The following PDE1C variants were observed in gnomAD, a reference collection of about 807,000 sequenced individuals.
The protein encoded by PDE1C is dual specificity calcium/calmodulin-dependent 3',5'-cyclic nucleotide phosphodiesterase 1C.
In PDE1C, 62 loss-of-function variants were observed where a neutral mutation model predicts 93.1. The observed-to-expected ratio is 0.67, with a 90% CI of 0.54 to 0.82. The LOEUF is 0.82. Ranked by LOEUF, PDE1C falls within the 40% of genes least tolerant of loss-of-function variation. PDE1C has a pLI of 0.00. For missense variants in PDE1C, 742 were observed against 884.6 expected (o/e 0.84, Z 2.04); for synonymous variants, 325 against 310.1 (o/e 1.05, Z -0.50).
At chr7:31,690,375 G>A in the PDE1C span, among the ~76,000 whole-genome samples, 1 of 152,190 alleles carries the variant, frequency 6.6e-6, no homozygotes, top group East Asian at 1.9e-4. Context: ...TTACAGATGA[G>A]GAAACTCAGG....
chr7:32,304,985 T>A (rs1812963467), intron 1 of PDE1C, among the ~76,000 whole-genome samples: 1 of 152,118 alleles, frequency 6.6e-6, no homozygotes, highest in Non-Finnish European at 1.5e-5. Flanking sequence ...AGGAACAGGG[T>A]TAGAGCTCAC....
chr7:32,150,446 AGGGT>A (rs1288415721), intron 3 of PDE1C, among the ~76,000 whole-genome samples: 1 of 152,164 alleles, frequency 6.6e-6, no homozygotes, highest in Non-Finnish European at 1.5e-5. Context: ...AAAGGTCAGT[AGGGT>A]TTCCCTAGGG....
At chr7:31,620,862 A>C in the PDE1C span, among the ~76,000 whole-genome samples, 2 of 152,240 alleles carry the variant, frequency 1.3e-5, no homozygotes, top group East Asian at 3.9e-4. Flanking sequence ...ACTTTGAAAA[A>C]AATTTAGACG....
At chr7:31,763,282 C>T (rs1238659073) in intron 17 of PDE1C, among the ~76,000 whole-genome samples, 1 of 152,176 alleles carries the variant, frequency 6.6e-6, no homozygotes, top group Non-Finnish European at 1.5e-5. Flanking sequence ...ATTTAGCAAA[C>T]TTAACCCATG....
At chr7:31,737,234 C>A in the PDE1C span, among the ~76,000 whole-genome samples, 1 of 152,050 alleles carries the variant, frequency 6.6e-6, no homozygotes, top group African/African-American at 2.4e-5. Context: ...TCACCTCAGC[C>A]TCCCAAAGTG....
chr7:31,794,041 T>TAGACAGACAGACAGACAGAC (rs71559203), intron 16 of PDE1C, among the ~76,000 whole-genome samples: 1 of 89,546 alleles, frequency 1.1e-5, no homozygotes, highest in Non-Finnish European at 2.3e-5. Flanking sequence ...GATAGATAGA[T>TAGACAGACAGACAGACAGAC]AGACAGACAG....
At chr7:31,785,110 A>G (rs1490098855) in intron 16 of PDE1C, 1 of 152,176 alleles carries the variant, frequency 6.6e-6, no homozygotes, top group Non-Finnish European at 1.5e-5. Flanking sequence ...TGCACCATAA[A>G]CTGACTGAGA....
chr7:32,046,637 A>G (rs1470175015), intron 2 of PDE1C, among the ~76,000 whole-genome samples: 1 of 152,168 alleles, frequency 6.6e-6, no homozygotes, highest in Non-Finnish European at 1.5e-5. Context: ...TAAATGGAAG[A>G]TTTTTGTAAA....
intron 2 of PDE1C, among the ~76,000 whole-genome samples, chr7:31,910,072 T>A (rs966876554): frequency 6.6e-6 from 1 of 152,122 alleles, no homozygotes; most frequent in African/African-American, 2.4e-5. Context: ...TATTCTAGGG[T>A]ATGTTTAATC....
upstream of PDE1C, among the ~76,000 whole-genome samples, chr7:32,075,933 T>C (rs1353532740): frequency 6.6e-6 from 1 of 152,142 alleles, no homozygotes; most frequent in Non-Finnish European, 1.5e-5. Flanking sequence ...GACCCTTCTC[T>C]TGTTTGGCCA....
intron 2 of PDE1C, among the ~76,000 whole-genome samples, chr7:32,179,167 C>T (rs2128810760): frequency 6.6e-6 from 1 of 151,350 alleles, no homozygotes; most frequent in East Asian, 1.9e-4. Context: ...TAGTGTAGAT[C>T]ACGCAGAACA....
rs540760874 is a variant in PDE1C at position 32,217,067 on chromosome 7, C to G, written c.86-7528G>C. Among the ~76,000 whole-genome samples, 30 of 152,332 alleles carry G rather than the reference C, an allele frequency of 2.0e-4. 1 individual carries two copies. The highest frequency in any genetic ancestry group is 7.2e-4 in the African/African-American group (30 of 41,572). On this transcript the variant is annotated intron_variant, in intron 1 of 18. Transcript: ENST00000396193. ...GGCCAGAACTCACAGCAATAGGATCCAGTAGAGGGAGAAGCTACTGACAAA... is the reference window on the plus strand; with the variant it reads ...GGCCAGAACTCACAGCAATAGGATCGAGTAGAGGGAGAAGCTACTGACAAA...
chr7:32,041,259 A>G (rs1178464115), intron 2 of PDE1C, among the ~76,000 whole-genome samples: 1 of 152,206 alleles, frequency 6.6e-6, no homozygotes, highest in Non-Finnish European at 1.5e-5. Flanking sequence ...GGTTCACGAC[A>G]GGACTCAGAT....
chr7:31,888,309 T>C (rs761608120), intron 2 of PDE1C, among the ~76,000 whole-genome samples: 6 of 149,468 alleles, frequency 4.0e-5, no homozygotes, highest in South Asian at 2.1e-4. Context: ...GATCTCGTTA[T>C]GCACCTCAAG....
At chr7:32,061,141 C>T (rs1482933062) in intron 1 of PDE1C, among the ~76,000 whole-genome samples, 1 of 152,174 alleles carries the variant, frequency 6.6e-6, no homozygotes, top group African/African-American at 2.4e-5. Context: ...GGATAAACAA[C>T]AGTTTAATGG....
intron 1 of PDE1C, among the ~76,000 whole-genome samples, chr7:32,411,814 T>C (rs1785176418): frequency 6.7e-6 from 1 of 149,848 alleles, no homozygotes. Flanking sequence ...CACAAACATA[T>C]TGTACAGCTG....
upstream of PDE1C, among the ~76,000 whole-genome samples, chr7:32,075,712 G>C (rs1298876207): frequency 1.3e-5 from 2 of 152,128 alleles, no homozygotes; most frequent in South Asian, 4.1e-4. Flanking sequence ...TAGTGGCCCA[G>C]AGAAGTGAGA....
At chr7:32,084,944 T>C (rs1047673761) in intron 3 of PDE1C, among the ~76,000 whole-genome samples, 2 of 144,898 alleles carry the variant, frequency 1.4e-5, no homozygotes, top group Non-Finnish European at 3.0e-5. Context: ...TTAAAAGAAC[T>C]AGAAAAGCAA....
chr7:31,653,587 C>T, the PDE1C span: 4 of 151,894 alleles, frequency 2.6e-5, no homozygotes, highest in Non-Finnish European at 5.9e-5. Flanking sequence ...CAAGGAATTT[C>T]CCAGTGGGCA....
Sources: gnomAD v4.1 joint callset for allele counts (sites outside exome capture counted in the v4.1 genomes callset) on GRCh38, gnomAD v4.1.1 for gene constraint, MANE v1.5 for transcripts, NCBI Gene and HGNC (gene_info 2026-07-23, HGNC 2026-07-21) for gene names.